CCDC178: variants seen among roughly 807,000 people sequenced by gnomAD.
The protein encoded by CCDC178 is coiled-coil domain containing 178, also known as coiled-coil domain-containing protein 178.
In CCDC178, 126 loss-of-function variants were observed where a neutral mutation model predicts 117.4. The observed-to-expected ratio is 1.07, with a 90% CI of 0.93 to 1.24. The LOEUF is 1.24. Ranked by LOEUF, CCDC178 falls within the 50% of genes most tolerant of loss-of-function variation. The probability of loss-of-function intolerance (pLI) is 0.00; values close to 1 mark genes in which losing one functional copy is unlikely to be tolerated. For missense variants in CCDC178, 1,030 were observed against 986.9 expected, an observed-to-expected ratio of 1.04 and a Z score of -0.59; for synonymous variants, 283 against 313.4, an observed-to-expected ratio of 0.90 and a Z score of 1.02.
At chr18:33,402,991 T>A (rs934516700) in intron 3 of CCDC178, among the ~76,000 whole-genome samples, 3 of 152,216 alleles carry the variant, frequency 2.0e-5, no homozygotes, top group African/African-American at 7.2e-5. Flanking sequence ...GATGCACAAT[T>A]CTAGTTGAGA....
intron 20 of CCDC178, among the ~76,000 whole-genome samples, chr18:33,117,597 A>G (rs967266943): frequency 5.9e-5 from 9 of 152,064 alleles, no homozygotes; most frequent in Non-Finnish European, 1.2e-4. Context: ...GGAGAGGGAT[A>G]GCATTAGGAG....
chr18:32,995,693 G>A (rs765231920), intron 21 of CCDC178, among the ~76,000 whole-genome samples: 1 of 151,916 alleles, frequency 6.6e-6, no homozygotes, highest in Non-Finnish European at 1.5e-5. Flanking sequence ...AACTGAGAAG[G>A]TACTATTAGA....
chr18:33,268,475 T>C (rs1015142971), intron 12 of CCDC178, among the ~76,000 whole-genome samples: 5 of 151,820 alleles, frequency 3.3e-5, no homozygotes, highest in African/African-American at 1.2e-4. Context: ...AAAAGTAATG[T>C]TTCAGACGAA....
intron 11 of CCDC178, among the ~76,000 whole-genome samples, chr18:33,318,974 G>A (rs913398041): frequency 6.6e-6 from 1 of 152,018 alleles, no homozygotes; most frequent in African/African-American, 2.4e-5. Context: ...TTTTCATCAG[G>A]AAAACTTTGC....
rs111980847 is a variant in CCDC178 at position 33,068,133 on chromosome 18, G to T, written c.2388+24628C>A. The stretch of plus-strand genomic sequence containing the variant: ...ATTGAAACAGGAAGAAATAGAAAAC[G>T]TGAACAGATCAATAATGAGTAACAA... On this transcript the variant is annotated intron_variant, in intron 21 of 22. Coordinates refer to ENST00000383096, the MANE Select transcript of CCDC178 (RefSeq NM_001105528.4). 3.3e-5 allele frequency among the ~76,000 whole-genome samples: 5 copies of T among 151,828 alleles called. No individual in the cohort carries two copies. The East Asian group carries it at 9.6e-4, about 29-fold the overall frequency.
chr18:33,255,964 TAGAA>T (rs2059674206), intron 14 of CCDC178, among the ~76,000 whole-genome samples: 1 of 103,220 alleles, frequency 9.7e-6, no homozygotes, highest in Non-Finnish European at 2.1e-5. Flanking sequence ...GGGTAACATG[TAGAA>T]AGAAAGAGAG....
chr18:33,212,084 A>G lies in CCDC178; in HGVS notation c.2079-29T>C, dbSNP rs751418735. 3.3e-6 allele frequency: 5 copies of G among 1,493,592 alleles called. No individual in the cohort carries two copies. In the Admixed American group the frequency reaches 1.2e-4, roughly 35 times the overall value. The allele number at this position is 1,493,592 out of a possible 1,614,324, so 92.5% of individuals were successfully genotyped here. On this transcript the variant is annotated intron_variant, in intron 19 of 22. Coordinates refer to ENST00000383096, the MANE Select transcript of CCDC178 (RefSeq NM_001105528.4). ...TGAAGAAAGAATTCCATGTGCCACT[A>G]ATCAATTCACATTTTATTTTTCAAA...
At chr18:33,310,183 T>C (rs2062319625) in intron 11 of CCDC178, among the ~76,000 whole-genome samples, 1 of 151,888 alleles carries the variant, frequency 6.6e-6, no homozygotes, top group Non-Finnish European at 1.5e-5. Flanking sequence ...ATGGTCTCAA[T>C]CTCCTGACCT....
chr18:33,197,917 C>A (rs2058950516), intron 20 of CCDC178, among the ~76,000 whole-genome samples: 1 of 152,074 alleles, frequency 6.6e-6, no homozygotes, highest in South Asian at 2.1e-4. Flanking sequence ...ATGAACATGA[C>A]ACTGTACAAT....
At chr18:32,967,847 T>C (rs1045499476) in intron 22 of CCDC178, among the ~76,000 whole-genome samples, 1 of 151,574 alleles carries the variant, frequency 6.6e-6, no homozygotes, top group Non-Finnish European at 1.5e-5. Flanking sequence ...GTAATTTTCA[T>C]ATATACTTTT....
rs146013235 is a variant in CCDC178 at position 33,371,784 on chromosome 18, T to TACACACACACACACACACAC, written c.209-1615_209-1596dup. 6.2e-5 allele frequency among the ~76,000 whole-genome samples: 9 copies of TACACACACACACACACACAC among 144,190 alleles called. 1 individual carries two copies. Among genetic ancestry groups the TACACACACACACACACACAC allele is most frequent in the Admixed American group, 5.0e-4 (7 of 14,120 alleles). The allele number at this position is 144,190 out of a possible 152,430, so 94.6% of individuals were successfully genotyped here. On this transcript the variant is annotated intron_variant, in intron 5 of 22. Coordinates refer to ENST00000383096, the MANE Select transcript of CCDC178 (RefSeq NM_001105528.4). Reference sequence around the variant, plus strand: ...TTCCTCTTTAGTTCATAAACATATATACACACACACACACACACACACACA... The same window carrying TACACACACACACACACACAC: ...TTCCTCTTTAGTTCATAAACATATATACACACACACACACACACACACACACACACACACACACACACACA...
intron 22 of CCDC178, among the ~76,000 whole-genome samples, chr18:32,955,871 A>G (rs1232128301): frequency 1.3e-5 from 2 of 152,202 alleles, no homozygotes. Flanking sequence ...CAGAACAGGT[A>G]CTACTTAACT....
At chr18:33,423,249 A>T (rs1243173495) in intron 2 of CCDC178, among the ~76,000 whole-genome samples, 1 of 152,200 alleles carries the variant, frequency 6.6e-6, no homozygotes, top group African/African-American at 2.4e-5. Context: ...CAGAAACTAC[A>T]GCCATCAAAA....
chr18:33,388,518 A>ATTTTTTTTTTT, intron 5 of CCDC178, among the ~76,000 whole-genome samples: 1 of 15,954 alleles, frequency 6.3e-5, no homozygotes, highest in African/African-American at 1.3e-4. Flanking sequence ...TACACCACGG[A>ATTTTTTTTTTT]ATTTTTTTTT....
At position 33,083,595 on chromosome 18, in the gene CCDC178, G is replaced by C. The variant is rs116435796; in HGVS notation, c.2388+9166C>G. Among the ~76,000 whole-genome samples, 666 of 152,026 alleles carry C rather than the reference G, an allele frequency of 4.4e-3. 5 individuals are homozygous for C. The highest frequency in any genetic ancestry group is 0.015 in the African/African-American group (636 of 41,468). On this transcript the variant is annotated intron_variant, in intron 21 of 22. Transcript: ENST00000383096. ...TTCTCTCCCTTTTATTTATCAACTT[G>C]CTTTGTATTTTTTAAAATATTCAAC...
intron 20 of CCDC178, among the ~76,000 whole-genome samples, chr18:33,204,640 A>G (rs182187126): frequency 4.3e-4 from 65 of 152,316 alleles, no homozygotes; most frequent in African/African-American, 1.3e-3. Flanking sequence ...CAACTTGGAA[A>G]ATGTATAAAC....
At chr18:33,247,075 CGTGT>C (rs150159104) in intron 14 of CCDC178, among the ~76,000 whole-genome samples, 5 of 147,652 alleles carry the variant, frequency 3.4e-5, no homozygotes, top group South Asian at 2.1e-4. Context: ...AAGTGTGTTA[CGTGT>C]GTGTGTGTGT....
At chr18:33,186,773 C>A (rs2058800013) in intron 20 of CCDC178, among the ~76,000 whole-genome samples, 1 of 151,090 alleles carries the variant, frequency 6.6e-6, no homozygotes, top group African/African-American at 2.4e-5. Context: ...TTTTCCAGAA[C>A]CTCTTTCCCT....
intron 5 of CCDC178, among the ~76,000 whole-genome samples, chr18:33,377,442 G>C (rs1283728085): frequency 6.6e-6 from 1 of 152,096 alleles, no homozygotes; most frequent in African/African-American, 2.4e-5. Flanking sequence ...AAGACTTTTA[G>C]ATTAATTAAA....
Sources: allele counts gnomAD v4.1 joint callset (sites outside exome capture counted in the v4.1 genomes callset), GRCh38; gene constraint gnomAD v4.1.1; transcripts MANE v1.5; gene names NCBI Gene and HGNC (gene_info 2026-07-23, HGNC 2026-07-21).